RNF111: variants seen among roughly 807,000 people sequenced by gnomAD.
RNF111 encodes E3 ubiquitin-protein ligase Arkadia.
In RNF111, 17 loss-of-function variants were observed where a neutral mutation model predicts 95.1. The ratio of observed to expected loss-of-function variants is 0.18; its 90% CI spans 0.12 to 0.27. The LOEUF (loss-of-function observed/expected upper bound fraction) is 0.27, where lower values mean the gene tolerates loss of function less well. RNF111 is among the 10% of genes least tolerant of loss of function. RNF111 has a pLI of 1.00. For missense variants in RNF111, 1,189 were observed against 1,210.4 expected, an observed-to-expected ratio of 0.98 and a Z score of 0.26; for synonymous variants, 440 against 414.8, an observed-to-expected ratio of 1.06 and a Z score of -0.74.
intron 1 of RNF111, among the ~76,000 whole-genome samples, chr15:58,989,341 A>G (rs1423187326): frequency 6.6e-6 from 1 of 152,182 alleles, no homozygotes; most frequent in Non-Finnish European, 1.5e-5. Flanking sequence ...TATTTTGGAC[A>G]CTTTCTTGCC....
chr15:59,020,306 GTAAT>G (rs1266541363), intron 1 of RNF111, among the ~76,000 whole-genome samples: 1 of 151,084 alleles, frequency 6.6e-6, no homozygotes, highest in African/African-American at 2.4e-5. Context: ...GTAATATATA[GTAAT>G]TAATTAGCAG....
intron 5 of RNF111, among the ~76,000 whole-genome samples, chr15:59,064,055 AT>A (rs2142054609): frequency 6.6e-6 from 1 of 152,326 alleles, no homozygotes; most frequent in Non-Finnish European, 1.5e-5. Flanking sequence ...TATACATATT[AT>A]AATTTATAGG....
intron 8 of RNF111, among the ~76,000 whole-genome samples, chr15:59,082,652 T>G (rs1156768654): frequency 1.3e-5 from 2 of 152,206 alleles, no homozygotes; most frequent in African/African-American, 4.8e-5. Flanking sequence ...TTGTGGCTGT[T>G]TCCACATTAC....
chr15:59,030,677 G>A, intron 1 of RNF111, 127 bp from the exon 2 acceptor site: 1 of 606,210 alleles, frequency 1.6e-6, no homozygotes, highest in Non-Finnish European at 2.7e-6. Flanking sequence ...GACATTTTGT[G>A]TACTGATGAG....
At chr15:59,056,108 C>T (rs2042189966) in intron 4 of RNF111, among the ~76,000 whole-genome samples, 1 of 152,060 alleles carries the variant, frequency 6.6e-6, no homozygotes, top group Non-Finnish European at 1.5e-5. Context: ...TTAGCTCAAA[C>T]TAGTTTAGTT....
At chr15:59,082,083 C>G (rs1477557014) in intron 8 of RNF111, among the ~76,000 whole-genome samples, 2 of 152,120 alleles carry the variant, frequency 1.3e-5, no homozygotes, top group African/African-American at 2.4e-5. Context: ...GTCTCTCCCC[C>G]TCTCCCCAAA....
At chr15:58,992,542 G>T (rs2038864897) in intron 1 of RNF111, among the ~76,000 whole-genome samples, 2 of 152,086 alleles carry the variant, frequency 1.3e-5, no homozygotes, top group Admixed American at 6.5e-5. Context: ...TTTTGGCTGG[G>T]CCCAGTGGCT....
chr15:59,058,701 TA>T (rs1324553486), intron 5 of RNF111, 151 bp downstream of exon 5: 1 of 678,840 alleles, frequency 1.5e-6, no homozygotes, highest in African/African-American at 1.8e-5. Context: ...TAGTCTTTAT[TA>T]TAATTAGGCT....
intron 7 of RNF111, among the ~76,000 whole-genome samples, chr15:59,077,010 G>A (rs977029767): frequency 7.9e-5 from 12 of 152,080 alleles, no homozygotes; most frequent in Non-Finnish European, 1.5e-4. Context: ...TCGTGCAGAC[G>A]CAGCTGGAAT....
intron 10 of RNF111, 55 bp from the exon 11 acceptor site, chr15:59,089,612 T>G: frequency 7.5e-7 from 1 of 1,334,458 alleles, no homozygotes; most frequent in Non-Finnish European, 1.1e-6. Context: ...ATGTTAACAG[T>G]AAATCACAAG....
intron 1 of RNF111, among the ~76,000 whole-genome samples, chr15:59,028,402 A>C (rs1407358268): frequency 1.3e-5 from 2 of 152,012 alleles, no homozygotes; most frequent in Middle Eastern, 3.2e-3. Context: ...ATATACCTAC[A>C]TGCCTATGAT....
In RNF111 at chr15:59,084,143, G is replaced by A. The variant is rs1566942473; in HGVS notation, c.2312G>A (p.Arg771His). 4 of 1,584,178 alleles carry A rather than the reference G, an allele frequency of 2.5e-6. No individual in the cohort carries two copies. Among genetic ancestry groups the A allele is most frequent in the South Asian group, 2.3e-5 (2 of 85,310 alleles). The change falls in exon 9 of 14, where the codon CGC (arginine) becomes CAC (histidine). Residue 771 changes from arginine (R) to histidine (H), a missense_variant. Physicochemically the swap from Arg to His is conservative, Grantham distance 29. Around this residue, in one of 2 missense-constraint regions of RNF111, gnomAD observed 165 missense variants for 284.6 expected, o/e 0.58. Coordinates refer to ENST00000348370, the MANE Select transcript of RNF111 (RefSeq NM_017610.8). ...TGTGTTTCCAGGCGGGCACATGAAC[G>A]CCCCCCACCCCATCCACATAGGATG... ...MMQHPTRAHE[R>H]PPPHPHRMHP...
intron 5 of RNF111, among the ~76,000 whole-genome samples, chr15:59,066,435 A>T (rs1342298837): frequency 6.6e-6 from 1 of 151,988 alleles, no homozygotes; most frequent in Non-Finnish European, 1.5e-5. Flanking sequence ...ACATGGAGAA[A>T]CCCCATCTGT....
intron 5 of RNF111, among the ~76,000 whole-genome samples, chr15:59,062,706 T>TCTC (rs538516150): frequency 1.0e-3 from 154 of 152,306 alleles, no homozygotes; most frequent in African/African-American, 3.3e-3. Context: ...TTATTACTCT[T>TCTC]CTCATTCTAC....
At chr15:59,057,268 G>A (rs1337667540) in intron 4 of RNF111, among the ~76,000 whole-genome samples, 3 of 152,274 alleles carry the variant, frequency 2.0e-5, no homozygotes, top group African/African-American at 7.2e-5. Context: ...GTATTGCCAA[G>A]GTTGAGAAAC....
chr15:59,034,082 T>C (rs1323683498), intron 2 of RNF111, among the ~76,000 whole-genome samples: 2 of 152,252 alleles, frequency 1.3e-5, no homozygotes, highest in Non-Finnish European at 2.9e-5. Flanking sequence ...ATTAGTAGTT[T>C]CTTATCTCCT....
intron 11 of RNF111, among the ~76,000 whole-genome samples, chr15:59,090,719 T>C (rs1325353715): frequency 6.6e-6 from 1 of 152,222 alleles, no homozygotes; most frequent in African/African-American, 2.4e-5. Context: ...ACCATTTCAG[T>C]TGGCTGAGGA....
At chr15:59,030,516 G>C (rs1409996570) in intron 1 of RNF111, among the ~76,000 whole-genome samples, 1 of 152,148 alleles carries the variant, frequency 6.6e-6, no homozygotes, top group African/African-American at 2.4e-5. Flanking sequence ...GTTGCTGAAG[G>C]TAGTGAGATA....
chr15:59,046,992 G>A (rs1392127687), intron 2 of RNF111, among the ~76,000 whole-genome samples: 1 of 151,724 alleles, frequency 6.6e-6, no homozygotes, highest in Non-Finnish European at 1.5e-5. Context: ...CTCAGCCTCC[G>A]GAGTAGCTTT....
Sources: gnomAD v4.1 joint callset for allele counts (sites outside exome capture counted in the v4.1 genomes callset) on GRCh38, gnomAD v4.1.1 for gene constraint, gnomAD v4.1.1 regional missense constraint, MANE v1.5 for transcripts, NCBI Gene and HGNC (gene_info 2026-07-23, HGNC 2026-07-21) for gene names.